ABCB4: variants seen among roughly 807,000 people sequenced by gnomAD.
The protein encoded by ABCB4 is phosphatidylcholine translocator ABCB4.
In ABCB4, 76 loss-of-function variants were observed where a neutral mutation model predicts 145.7. The ratio of observed to expected loss-of-function variants is 0.52; its 90% CI spans 0.43 to 0.63. The LOEUF is 0.63. Among genes scored for constraint, ABCB4 ranks in the 30% least tolerant of loss-of-function variants. The pLI is 0.00. For synonymous variants in ABCB4, 517 were observed against 566.8 expected (o/e 0.91, Z 1.25); for missense variants, 1,234 against 1,553.1 (o/e 0.79, Z 3.45).
chr7:87,474,433 A>T (rs974276870), intron 2 of ABCB4, among the ~76,000 whole-genome samples: 1 of 152,218 alleles, frequency 6.6e-6, no homozygotes, highest in African/African-American at 2.4e-5. Context: ...TTACTGCACA[A>T]CCACATTAAC....
At chr7:87,473,615 A>G (rs1451876274) in intron 2 of ABCB4, among the ~76,000 whole-genome samples, 1 of 152,150 alleles carries the variant, frequency 6.6e-6, no homozygotes, top group East Asian at 1.9e-4. Context: ...ACCTGGATTA[A>G]TGCTTTTTTC....
At position 87,423,981 on chromosome 7, in the gene ABCB4, G is replaced by A. The variant is rs778345147; in HGVS notation, c.2136C>T (p.Val712=). The change falls in exon 17 of 28, where the codon GTC becomes GTT. Residue 712 remains valine (V), a synonymous_variant. Coordinates refer to ENST00000649586, the MANE Select transcript of ABCB4 (RefSeq NM_000443.4). ...KLNKTEWPYF[V]VGTVCAIANG... The stretch of plus-strand genomic sequence containing the variant: ...TGGCAATGGCACATACTGTTCCCAC[G>A]ACAAAGTAGGGCCATTCTGTTTTAT... 46 of 1,613,974 alleles carry A rather than the reference G, an allele frequency of 2.9e-5. No homozygotes were observed. Among genetic ancestry groups the A allele is most frequent in the Middle Eastern group, 3.3e-4 (2 of 6,082 alleles).
rs370406753 is a variant in ABCB4, at chr7:87,419,985, C to T, written c.2394+13G>A. 9.1e-5 allele frequency: 147 copies of T among 1,612,612 alleles called. No individual in the cohort carries two copies. In the African/African-American group the frequency reaches 1.4e-3, roughly 16 times the overall value. On this transcript the variant is annotated intron_variant, in intron 19 of 27. Coordinates refer to ENST00000649586, the MANE Select transcript of ABCB4 (RefSeq NM_000443.4). ...TGAAAGATCAGAAGGCATTCTCCAG[C>T]GCACACTCCTACCTGTCTTAGCATT...
the ABCB4 span, chr7:87,393,116 A>G: frequency 6.4e-7 from 1 of 1,573,404 alleles, no homozygotes; most frequent in African/African-American, 1.4e-5. Context: ...TAGGAAAGGT[A>G]TTACTTTTGT....
chr7:87,458,512 T>A (rs531385811), intron 4 of ABCB4, among the ~76,000 whole-genome samples: 10 of 152,262 alleles, frequency 6.6e-5, no homozygotes, highest in African/African-American at 1.7e-4. Flanking sequence ...TAAGTAAACA[T>A]CTCTAAGAGA....
At chr7:87,445,654 C>T (rs1584752205) in intron 9 of ABCB4, among the ~76,000 whole-genome samples, 1 of 152,256 alleles carries the variant, frequency 6.6e-6, no homozygotes, top group African/African-American at 2.4e-5. Flanking sequence ...ATTTTTTTCT[C>T]TCAGGGCATG....
intron 15 of ABCB4, among the ~76,000 whole-genome samples, chr7:87,427,659 G>T (rs1562965962): frequency 6.6e-6 from 1 of 152,128 alleles, no homozygotes; most frequent in Non-Finnish European, 1.5e-5. Context: ...AGTCCTTGTA[G>T]TAGTGTCTTG....
chr7:87,382,588 G>A, the ABCB4 span: 4 of 1,549,540 alleles, frequency 2.6e-6, no homozygotes, highest in Admixed American at 4.4e-5. Context: ...GAAGTCCAAG[G>A]GTATATCTTT....
At chr7:87,472,502 G>T (rs1320424396) in intron 3 of ABCB4, 119 bp downstream of exon 3, 6 of 904,844 alleles carry the variant, frequency 6.6e-6, no homozygotes, top group African/African-American at 1.6e-5. Flanking sequence ...GGGATTACAA[G>T]TATGAGTCAG....
the ABCB4 span, among the ~76,000 whole-genome samples, chr7:87,393,705 C>G: frequency 6.6e-6 from 1 of 152,114 alleles, no homozygotes; most frequent in Non-Finnish European, 1.5e-5. Context: ...TACGTGACTA[C>G]ATTTAGCACT....
chr7:87,421,771 G>T (rs1360341625), intron 18 of ABCB4, among the ~76,000 whole-genome samples: 4 of 152,234 alleles, frequency 2.6e-5, no homozygotes, highest in African/African-American at 9.6e-5. Context: ...GATCAGAGAA[G>T]TTACTTGATA....
intron 9 of ABCB4, among the ~76,000 whole-genome samples, chr7:87,445,630 A>G (rs1811295005): frequency 6.6e-6 from 1 of 152,236 alleles, no homozygotes; most frequent in African/African-American, 2.4e-5. Flanking sequence ...GAAAAACATA[A>G]GTGAAGATAA....
intron 3 of ABCB4, among the ~76,000 whole-genome samples, chr7:87,468,414 T>A (rs1813086428): frequency 1.6e-5 from 2 of 127,358 alleles, no homozygotes; most frequent in African/African-American, 3.7e-5. Flanking sequence ...CCAAAAAAAG[T>A]CCAGGACCAG....
chr7:87,376,029 T>G, the ABCB4 span: 2 of 1,411,460 alleles, frequency 1.4e-6, no homozygotes, highest in South Asian at 3.0e-5. Context: ...CATGGAAGTT[T>G]TTTTTCTTTT....
chr7:87,423,554 C>T, intron 17 of ABCB4: 1 of 348,048 alleles, frequency 2.9e-6, no homozygotes, highest in Non-Finnish European at 5.5e-6. Flanking sequence ...TGACTTTAAC[C>T]CCTCCCTGCT....
chr7:87,393,307 C>T, the ABCB4 span, among the ~76,000 whole-genome samples: 4,957 of 152,152 alleles, frequency 0.033, 252 homozygotes, highest in African/African-American at 0.11. Flanking sequence ...CAAGTCGATT[C>T]GGCAATCATA....
At chr7:87,466,016 C>T (rs1383310540) in intron 3 of ABCB4, among the ~76,000 whole-genome samples, 1 of 152,200 alleles carries the variant, frequency 6.6e-6, no homozygotes, top group Non-Finnish European at 1.5e-5. Context: ...AGGAATGCAG[C>T]TCCTCACCAG....
Position 87,444,944 on chromosome 7 carries a change from C to T in ABCB4, c.1037G>A (p.Ser346Asn), listed in dbSNP as rs67876345. Residue 346 changes from serine to asparagine, a missense_variant, in exon 10 of 28, where the codon AGT becomes AAT. By Grantham distance (46) the Ser-to-Asn change is conservative. This residue lies in a region of ABCB4 where 467 missense variants were observed against 632.8 expected (regional missense o/e 0.74). Coordinates refer to ENST00000649586, the MANE Select transcript of ABCB4 (RefSeq NM_000443.4). ...VFFSILIGAF[S>N]VGQAAPCIDA... ...AATACATGGGGCAGCCTGGCCAACA[C>T]TGAAAGCTCCAATTAGGATTGAAAA... 3.1e-6 allele frequency: 5 copies of T among 1,605,788 alleles called. No individual in the cohort carries two copies. The highest frequency in any genetic ancestry group is 2.5e-6 in the Non-Finnish European group (3 of 1,179,496).
intron 3 of ABCB4, among the ~76,000 whole-genome samples, chr7:87,465,253 C>T (rs1432280582): frequency 1.3e-5 from 2 of 152,236 alleles, no homozygotes; most frequent in Non-Finnish European, 2.9e-5. Flanking sequence ...CAGAGGGTCC[C>T]ACACCCACGA....
Sources: allele counts gnomAD v4.1 joint callset (sites outside exome capture counted in the v4.1 genomes callset), GRCh38; gene constraint gnomAD v4.1.1; regional missense constraint gnomAD v4.1.1; transcripts MANE v1.5; gene names NCBI Gene and HGNC (gene_info 2026-07-23, HGNC 2026-07-21).